LIPH: variants seen among roughly 807,000 people sequenced by gnomAD.
The protein encoded by LIPH is lipase member H.
LIPH carries 32 observed loss-of-function variants against 47.6 expected under a neutral mutation model. The observed-to-expected ratio is 0.67, with a 90% CI of 0.51 to 0.90. The LOEUF (loss-of-function observed/expected upper bound fraction) is 0.90, where lower values mean the gene tolerates loss of function less well. Ranked by LOEUF, LIPH falls within the 40% of genes least tolerant of loss-of-function variation. The probability of loss-of-function intolerance (pLI) is 0.00; values close to 1 mark genes in which losing one functional copy is unlikely to be tolerated. For missense variants in LIPH, 497 were observed against 541.4 expected (o/e 0.92, Z 0.81); for synonymous variants, 190 against 195.6 (o/e 0.97, Z 0.24).
intron 8 of LIPH, among the ~76,000 whole-genome samples, chr3:185,512,956 C>G (rs761198093): frequency 1.3e-4 from 20 of 152,184 alleles, no homozygotes; most frequent in Non-Finnish European, 2.6e-4. Flanking sequence ...GAAACCAGAG[C>G]TCCCTGGAGA....
chr3:185,534,052 C>T (rs770704188), intron 2 of LIPH, among the ~76,000 whole-genome samples: 7 of 152,070 alleles, frequency 4.6e-5, no homozygotes, highest in African/African-American at 1.7e-4. Context: ...GGAGAAACCC[C>T]GTCTTTACTA....
chr3:185,548,015 G>T (rs1242015028), intron 1 of LIPH, among the ~76,000 whole-genome samples: 1 of 152,140 alleles, frequency 6.6e-6, no homozygotes, highest in Non-Finnish European at 1.5e-5. Flanking sequence ...ACACTCTTAT[G>T]CTTGCCTGAA....
Position 185,507,852 on chromosome 3 carries a change from T to C in LIPH, c.*938A>G, listed in dbSNP as rs752796173. On this transcript the variant is annotated 3_prime_UTR_variant, in exon 10 of 10. Transcript: ENST00000296252. Reference sequence around the variant, plus strand: ...TTCCTTCAATAATCATAGATTACATTGGTAATAAAGAAACATAAACATTTC... The same window carrying C: ...TTCCTTCAATAATCATAGATTACATCGGTAATAAAGAAACATAAACATTTC... The C allele has an allele frequency of 6.6e-6, 1 of 152,176 alleles. No individual in the cohort carries two copies. Among genetic ancestry groups the C allele is most frequent in the Non-Finnish European group, 1.5e-5 (1 of 68,034 alleles). 9.4% of individuals were successfully genotyped at this position (152,176 alleles called of 1,614,324 possible). A position where few individuals can be genotyped will look rare whatever the true frequency, so the allele number is the denominator to read the frequency against.
chr3:185,544,351 T>G (rs866780472), intron 1 of LIPH, among the ~76,000 whole-genome samples: 14 of 151,834 alleles, frequency 9.2e-5, no homozygotes, highest in Admixed American at 2.0e-4. Flanking sequence ...TTTTTTTTGT[T>G]TTGTTTTGTT....
chr3:185,521,163 C>G (rs1034073622), intron 5 of LIPH, among the ~76,000 whole-genome samples: 3 of 152,104 alleles, frequency 2.0e-5, no homozygotes, highest in African/African-American at 7.2e-5. Context: ...CCACCATACC[C>G]GACTGAGTAC....
chr3:185,538,829 A>G (rs1054697027), intron 1 of LIPH, among the ~76,000 whole-genome samples: 3 of 27,438 alleles, frequency 1.1e-4, no homozygotes, highest in Admixed American at 4.8e-4. Context: ...ACACATATAC[A>G]TATATACATA....
chr3:185,535,293 C>T (rs922029987), intron 1 of LIPH, among the ~76,000 whole-genome samples, 161 bp from the exon 2 acceptor site: 1 of 151,972 alleles, frequency 6.6e-6, no homozygotes, highest in African/African-American at 2.4e-5. Context: ...TATATACATA[C>T]TTTGAGACAG....
intron 1 of LIPH, 127 bp downstream of exon 1, chr3:185,552,296 T>C: frequency 1.5e-6 from 1 of 661,784 alleles, no homozygotes. Context: ...TTCCTATATC[T>C]TTTTCCTTAA....
Position 185,524,067 on chromosome 3 carries a change from T to C in LIPH, c.718+4A>G. ...CCACTATTTTACAAAATATAAAGGC[T>C]TACCTCCCAATATTGTTTTGGGGCA... On this transcript the variant is annotated splice_donor_region_variant and intron_variant, in intron 5 of 9. Coordinates refer to ENST00000296252, the MANE Select transcript of LIPH (RefSeq NM_139248.3). 1 of 1,605,252 alleles carries C rather than the reference T, an allele frequency of 6.2e-7. No homozygotes were observed. Among genetic ancestry groups the C allele is most frequent in the Non-Finnish European group, 8.5e-7 (1 of 1,171,978 alleles).
At chr3:185,520,939 G>A (rs954961994) in intron 5 of LIPH, among the ~76,000 whole-genome samples, 10 of 146,468 alleles carry the variant, frequency 6.8e-5, no homozygotes, top group Non-Finnish European at 1.2e-4. Context: ...GCATGATCCC[G>A]GCTCACTGCA....
chr3:185,548,730 GAAACAAAACAAAACAAAAACAAAACA>G (rs1349518251), intron 1 of LIPH, among the ~76,000 whole-genome samples: 4 of 149,602 alleles, frequency 2.7e-5, no homozygotes, highest in Non-Finnish European at 4.4e-5. Flanking sequence ...CTCCATCTCA[GAAACAAAACAAAACAAAAACAAAACA>G]AAACAAAACA....
At chr3:185,546,406 T>C (rs980427915) in intron 1 of LIPH, among the ~76,000 whole-genome samples, 6 of 149,956 alleles carry the variant, frequency 4.0e-5, no homozygotes, top group African/African-American at 1.2e-4. Context: ...CAGGCCTATA[T>C]AGTCCCAGCT....
At chr3:185,552,352 A>G (rs1721075278) in intron 1 of LIPH, 71 bp downstream of exon 1, 8 of 1,042,486 alleles carry the variant, frequency 7.7e-6, no homozygotes, top group Admixed American at 1.7e-5. Context: ...TGGAATGATG[A>G]CATGCAAAAT....
chr3:185,552,553 T>G lies in LIPH; in HGVS notation c.-82A>C, dbSNP rs1577697200. 8 of 1,009,554 alleles carry G rather than the reference T, an allele frequency of 7.9e-6. No homozygotes were observed. In the East Asian group the frequency reaches 1.2e-4, roughly 15 times the overall value. 62.5% of individuals were successfully genotyped at this position (1,009,554 alleles called of 1,614,324 possible). On this transcript the variant is annotated 5_prime_UTR_variant, in exon 1 of 10. Transcript: ENST00000296252. ...CTTAAGAGTTTCCACTGTGGGATTT[T>G]GCTCACAGTGAGCTCAGACGACTCA...
Position 185,527,581 on chromosome 3 carries a change from G to A in LIPH, c.531C>T (p.Leu177=), listed in dbSNP as rs751349446. Residue 177 remains leucine (L), a synonymous_variant, in exon 4 of 10, where the codon CTC becomes CTT. Coordinates refer to ENST00000296252, the MANE Select transcript of LIPH (RefSeq NM_139248.3). ...YDGWLGRITG[L]DPAGPLFNGK... ...CGTTGAATAAAGGGCCTGCAGGGTC[G>A]AGGCCTGGAAGGAAAACAGAGTCAC... 5.6e-6 allele frequency: 9 copies of A among 1,607,392 alleles called. No individual in the cohort carries two copies. In the South Asian group the frequency reaches 7.7e-5, roughly 14 times the overall value.
intron 1 of LIPH, 117 bp from the exon 2 acceptor site, chr3:185,535,249 G>C: frequency 7.3e-6 from 9 of 1,232,092 alleles, no homozygotes; most frequent in Non-Finnish European, 1.1e-5. Context: ...ACCTGGCTAA[G>C]GGCTGGATCC....
intron 3 of LIPH, among the ~76,000 whole-genome samples, chr3:185,528,352 A>AAGAAAGAAAGAAAGAAAGAAAGAT (rs1264841985): frequency 6.6e-6 from 1 of 151,846 alleles, no homozygotes; most frequent in African/African-American, 2.4e-5. Flanking sequence ...GAAAGAAAGA[A>AAGAAAGAAAGAAAGAAAGAAAGAT]AGAAAGCGCT....
chr3:185,538,258 A>G (rs533733370), intron 1 of LIPH, among the ~76,000 whole-genome samples: 1 of 152,222 alleles, frequency 6.6e-6, no homozygotes. Context: ...TCCTCAGAGA[A>G]TATGTGCAAT....
At chr3:185,536,684 GTAAA>G (rs991126459) in intron 1 of LIPH, among the ~76,000 whole-genome samples, 1 of 151,768 alleles carries the variant, frequency 6.6e-6, no homozygotes, top group East Asian at 1.9e-4. Context: ...AAATAAATAT[GTAAA>G]TAAATAAATA....
Sources: allele counts gnomAD v4.1 joint callset (sites outside exome capture counted in the v4.1 genomes callset), GRCh38; gene constraint gnomAD v4.1.1; transcripts MANE v1.5; gene names NCBI Gene and HGNC (gene_info 2026-07-23, HGNC 2026-07-21).